SNX30: variants seen among roughly 807,000 people sequenced by gnomAD.
SNX30 encodes the protein sorting nexin family member 30, also known as sorting nexin-30.
SNX30 carries 24 observed loss-of-function variants against 46.4 expected under a neutral mutation model. The ratio of observed to expected loss-of-function variants is 0.52; its 90% CI spans 0.37 to 0.73. The LOEUF (loss-of-function observed/expected upper bound fraction) is 0.73. Among genes scored for constraint, SNX30 ranks in the 30% least tolerant of loss-of-function variants. The pLI, the probability that SNX30 is intolerant of heterozygous loss-of-function variation, is 0.00. For synonymous variants in SNX30, 189 were observed against 211.5 expected (o/e 0.89, Z 0.92); for missense variants, 533 against 555.7 (o/e 0.96, Z 0.41).
chr9:112,864,485 G>T (rs904080274), intron 8 of SNX30, 86 bp downstream of exon 8: 1 of 1,543,312 alleles, frequency 6.5e-7, no homozygotes, highest in Admixed American at 1.7e-5. Flanking sequence ...TGGGAATCCT[G>T]CTAGTCTCAT....
At chr9:112,797,709 T>TAA (rs1255706591) in intron 1 of SNX30, among the ~76,000 whole-genome samples, 2 of 62,228 alleles carry the variant, frequency 3.2e-5, no homozygotes, top group African/African-American at 1.0e-4. Context: ...CTTTTTCTTT[T>TAA]TCTTTTTTTT....
chr9:112,798,127 T>A lies in SNX30; in HGVS notation c.157-6649T>A, dbSNP rs1330522818. Among the ~76,000 whole-genome samples the A allele has an allele frequency of 5.2e-5, 3 of 57,222 alleles. No individual in the cohort carries two copies. In the East Asian group the frequency reaches 1.7e-3, roughly 33 times the overall value. 37.5% of individuals were successfully genotyped at this position (57,222 alleles called of 152,430 possible). A position where few individuals can be genotyped will look rare whatever the true frequency, so the allele number is the denominator to read the frequency against. Reference sequence around the variant, plus strand: ...GGTTTGTTTTTTTTTTTTTCTTTTTTTTTTTTTTTTTTTATTATACTCTAA... The same window carrying A: ...GGTTTGTTTTTTTTTTTTTCTTTTTATTTTTTTTTTTTTATTATACTCTAA... On this transcript the variant is annotated intron_variant, in intron 1 of 8. Transcript: ENST00000374232.
intron 6 of SNX30, among the ~76,000 whole-genome samples, chr9:112,841,522 A>G: frequency 6.6e-6 from 1 of 152,232 alleles, no homozygotes; most frequent in South Asian, 2.1e-4. Context: ...GAAAAGAGGA[A>G]GTGTGGACTG....
chr9:112,862,412 G>T (rs1359461929), intron 7 of SNX30, among the ~76,000 whole-genome samples: 2 of 152,224 alleles, frequency 1.3e-5, no homozygotes, highest in Non-Finnish European at 2.9e-5. Flanking sequence ...ACTGGCCTGT[G>T]CCTGTGGGGA....
intron 2 of SNX30, among the ~76,000 whole-genome samples, chr9:112,812,919 G>A (rs544331015): frequency 5.3e-5 from 8 of 152,288 alleles, no homozygotes; most frequent in African/African-American, 1.9e-4. Flanking sequence ...AGCTGAGGTG[G>A]GTGGATCACT....
rs377076249 is a variant in SNX30 at position 112,845,045 on chromosome 9, A to G, written c.1015-5814A>G. Among the ~76,000 whole-genome samples the G allele has an allele frequency of 5.2e-4, 79 of 152,332 alleles. 1 individual carries two copies. The South Asian group carries it at 0.012, about 23-fold the overall frequency. On this transcript the variant is annotated intron_variant, in intron 6 of 8. Coordinates refer to ENST00000374232, the MANE Select transcript of SNX30 (RefSeq NM_001012994.2). ...GTGGCTAATTTCTTGCAGCTAAAAT[A>G]ATGTGAAGAAGCAGGATGTGAAATA... is the stretch of plus-strand genomic sequence containing the variant.
At chr9:112,826,472 C>A (rs545785856) in intron 3 of SNX30, among the ~76,000 whole-genome samples, 133 of 152,176 alleles carry the variant, frequency 8.7e-4, no homozygotes, top group Non-Finnish European at 1.5e-3. Flanking sequence ...GGAAGAAAAA[C>A]CAACCATATT....
At chr9:112,824,913 G>A (rs1396786679) in intron 3 of SNX30, among the ~76,000 whole-genome samples, 1 of 152,158 alleles carries the variant, frequency 6.6e-6, no homozygotes, top group Non-Finnish European at 1.5e-5. Context: ...ATTGAGTGTT[G>A]TACGACCATC....
chr9:112,877,364 G>T (rs916772106), downstream of SNX30: 1 of 152,290 alleles, frequency 6.6e-6, no homozygotes, highest in African/African-American at 2.4e-5. Context: ...GAGTAGGAAC[G>T]ATTAGATTCA....
chr9:112,786,535 C>T (rs1163553055), intron 1 of SNX30, among the ~76,000 whole-genome samples: 1 of 151,936 alleles, frequency 6.6e-6, no homozygotes, highest in Non-Finnish European at 1.5e-5. Context: ...TGTGTCTGTC[C>T]CTCTCCTAGT....
chr9:112,857,567 C>T (rs1042672538), intron 7 of SNX30, among the ~76,000 whole-genome samples: 3 of 152,198 alleles, frequency 2.0e-5, no homozygotes, highest in Admixed American at 6.5e-5. Context: ...ACAGCAGCCA[C>T]GAGCTCCCCT....
intron 6 of SNX30, among the ~76,000 whole-genome samples, chr9:112,842,522 G>A (rs994601985): frequency 2.6e-5 from 4 of 152,228 alleles, no homozygotes; most frequent in Non-Finnish European, 4.4e-5. Context: ...CTCTGAGTTC[G>A]AAAGGGCCTT....
intron 1 of SNX30, among the ~76,000 whole-genome samples, chr9:112,777,920 G>A (rs1839776552): frequency 6.6e-6 from 1 of 152,128 alleles, no homozygotes; most frequent in Admixed American, 6.6e-5. Flanking sequence ...AACTAAGTAG[G>A]TTAAAACACA....
chr9:112,782,059 G>T (rs1215494012), intron 1 of SNX30, among the ~76,000 whole-genome samples: 1 of 151,866 alleles, frequency 6.6e-6, no homozygotes, highest in Non-Finnish European at 1.5e-5. Flanking sequence ...GTTAGTAAAG[G>T]TTTTTTATTT....
chr9:112,779,788 G>C (rs1226268315), intron 1 of SNX30, among the ~76,000 whole-genome samples: 1 of 152,174 alleles, frequency 6.6e-6, no homozygotes, highest in Non-Finnish European at 1.5e-5. Flanking sequence ...CTCCATGCAG[G>C]GCGCACTTGG....
chr9:112,774,523 G>C (rs561822548), intron 1 of SNX30, among the ~76,000 whole-genome samples: 1 of 152,298 alleles, frequency 6.6e-6, no homozygotes, highest in South Asian at 2.1e-4. Flanking sequence ...CAAGTCTTTG[G>C]TTGACGTGTT....
intron 3 of SNX30, among the ~76,000 whole-genome samples, chr9:112,829,633 A>G (rs1381627261): frequency 2.6e-5 from 4 of 152,210 alleles, no homozygotes; most frequent in African/African-American, 9.7e-5. Context: ...GGTGAGTTTT[A>G]TGGTAATTCT....
chr9:112,848,488 G>C (rs1203688191), intron 6 of SNX30, among the ~76,000 whole-genome samples: 1 of 152,216 alleles, frequency 6.6e-6, no homozygotes, highest in Non-Finnish European at 1.5e-5. Flanking sequence ...CTGGAAGGCA[G>C]CAGGAACAGC....
In SNX30 at chr9:112,869,924, G is replaced by A. The variant is rs1841419773; in HGVS notation, c.*1081G>A. 1 of 152,158 alleles carries A rather than the reference G, an allele frequency of 6.6e-6. No individual in the cohort carries two copies. The highest frequency in any genetic ancestry group is 6.5e-5 in the Admixed American group (1 of 15,286). The allele number at this position is 152,158 out of a possible 1,614,324, so 9.4% of individuals were successfully genotyped here. On this transcript the variant is annotated 3_prime_UTR_variant, in exon 9 of 9. Coordinates refer to ENST00000374232, the MANE Select transcript of SNX30 (RefSeq NM_001012994.2). ...CGAAATTTGTCAATGCAGTGTGAATGTTCTACATAAAGTGCTTTAACCCTT... is the reference window on the plus strand; with the variant it reads ...CGAAATTTGTCAATGCAGTGTGAATATTCTACATAAAGTGCTTTAACCCTT...
Sources: allele counts gnomAD v4.1 joint callset (sites outside exome capture counted in the v4.1 genomes callset), GRCh38; gene constraint gnomAD v4.1.1; transcripts MANE v1.5; gene names NCBI Gene and HGNC (gene_info 2026-07-23, HGNC 2026-07-21).